Variants in KIRREL3 observed in about 807,000 individuals in gnomAD.
The protein encoded by KIRREL3 is kirre like nephrin family adhesion molecule 3.
KIRREL3 carries 36 observed loss-of-function variants against 89.7 expected under a neutral mutation model. The observed-to-expected ratio is 0.40, with a 90% CI of 0.31 to 0.53. The LOEUF (loss-of-function observed/expected upper bound fraction) is 0.53, where lower values mean the gene tolerates loss of function less well. KIRREL3 is among the 20% of genes least tolerant of loss of function. The probability of loss-of-function intolerance (pLI) is 0.49; values close to 1 mark genes in which losing one functional copy is unlikely to be tolerated. For missense variants in KIRREL3, 864 were observed against 1,056.6 expected (o/e 0.82, Z 2.53); for synonymous variants, 445 against 441.4 (o/e 1.01, Z -0.10).
At position 126,802,602 on chromosome 11, in the gene KIRREL3, T is replaced by C. The variant is rs1279673182; in HGVS notation, c.55+197853A>G. Among the ~76,000 whole-genome samples, 1 of 152,220 alleles carries C rather than the reference T, an allele frequency of 6.6e-6. No individual in the cohort carries two copies. Among genetic ancestry groups the C allele is most frequent in the African/African-American group, 2.4e-5 (1 of 41,544 alleles). ...GAGTGTGGGCATGTGTGTGTGTGAG[T>C]GACCCTGCGATGGGAGGGTGTCCTG... On this transcript the variant is annotated intron_variant, in intron 1 of 16. Transcript: ENST00000525144. The surrounding 1 kb of genome is among the most constrained non-coding windows in gnomAD (Gnocchi z 5.2).
rs994398473 is a variant in KIRREL3 at position 126,986,255 on chromosome 11, A to AT, written c.55+14199dup. On this transcript the variant is annotated intron_variant, in intron 1 of 16. Transcript: ENST00000525144. ...GGCCCAGATGCCTAGTGATGAGAAC[A>AT]TTTTTTTTTATGAATTGAAAAATAA... 1.2e-3 allele frequency among the ~76,000 whole-genome samples: 182 copies of AT among 151,662 alleles called. 1 individual carries two copies. Among genetic ancestry groups the AT allele is most frequent in the African/African-American group, 4.1e-3 (168 of 41,360 alleles).
rs769772638 is a variant in KIRREL3, at chr11:126,715,444, T to C, written c.56-152532A>G. 5.3e-5 allele frequency among the ~76,000 whole-genome samples: 8 copies of C among 152,162 alleles called. No homozygotes were observed. The East Asian group carries it at 7.7e-4, about 15-fold the overall frequency. On this transcript the variant is annotated intron_variant, in intron 1 of 16. Transcript: ENST00000525144. This position sits in a 1 kb window ranked among gnomAD's most constrained non-coding sequence, Gnocchi z 4.4. ...CAGTGCTCTCCTTTCCTGGGGATTG[T>C]TGACAGCTCAAGACCACATGGGCTC... is the stretch of plus-strand genomic sequence containing the variant.
intron 1 of KIRREL3, among the ~76,000 whole-genome samples, chr11:126,842,917 T>C (rs963114959): frequency 2.0e-5 from 3 of 151,886 alleles, no homozygotes; most frequent in Non-Finnish European, 4.4e-5. Flanking sequence ...GGAGAGAATA[T>C]GGGTCAAGTT....
At position 126,427,785 on chromosome 11, in the gene KIRREL3, G is replaced by T. The variant is rs1010314974; in HGVS notation, c.1806+1394C>A. Among the ~76,000 whole-genome samples, 1 of 152,168 alleles carries T rather than the reference G, an allele frequency of 6.6e-6. No individual in the cohort carries two copies. Among genetic ancestry groups the T allele is most frequent in the African/African-American group, 2.4e-5 (1 of 41,428 alleles). On this transcript the variant is annotated intron_variant, in intron 15 of 16. Transcript: ENST00000525144. The surrounding 1 kb of genome is among the most constrained non-coding windows in gnomAD (Gnocchi z 5.3). The stretch of plus-strand genomic sequence containing the variant: ...GAAAGGCTGCTTTCTCAAGGCTCTC[G>T]AGGGTGGATTGAGAAAAGAGACAAA...
chr11:126,859,151 A>G (rs947739053), intron 1 of KIRREL3, among the ~76,000 whole-genome samples: 5 of 152,238 alleles, frequency 3.3e-5, no homozygotes, highest in Non-Finnish European at 7.3e-5. Context: ...ATAATATACC[A>G]AAGAGAAAGA....
chr11:126,940,866 T>A lies in KIRREL3; in HGVS notation c.55+59589A>T, dbSNP rs955362134. The A allele has an allele frequency of 3.3e-5, 5 of 152,146 alleles. No individual in the cohort carries two copies. Among genetic ancestry groups the A allele is most frequent in the Non-Finnish European group, 7.3e-5 (5 of 68,034 alleles). The allele number at this position is 152,146 out of a possible 1,614,324, so 9.4% of individuals were successfully genotyped here. A position where few individuals can be genotyped will look rare whatever the true frequency, so the allele number is the denominator to read the frequency against. ...TGAGCCAAGACTGTCATGAAACTAT[T>A]TGGATACTGTACTCTGGTTCCTTCA... On this transcript the variant is annotated intron_variant, in intron 1 of 16. Transcript: ENST00000525144. This position sits in a 1 kb window ranked among gnomAD's most constrained non-coding sequence, Gnocchi z 4.6.
rs1235297459 is a variant in KIRREL3, at chr11:126,783,830, AGAG to A, written c.55+216622_55+216624del. 6.6e-6 allele frequency among the ~76,000 whole-genome samples: 1 copy of A among 152,228 alleles called. No individual in the cohort carries two copies. Among genetic ancestry groups the A allele is most frequent in the Non-Finnish European group, 1.5e-5 (1 of 68,048 alleles). The stretch of plus-strand genomic sequence containing the variant: ...AATACAGTGTGAAAGTGAGAGAAAA[AGAG>A]GAGCTTTGCAGTGGAGGAAACTGAC... On this transcript the variant is annotated intron_variant, in intron 1 of 16. Transcript: ENST00000525144. This position sits in a 1 kb window ranked among gnomAD's most constrained non-coding sequence, Gnocchi z 4.3.
chr11:126,458,109 G>A (rs1956432516), intron 6 of KIRREL3, among the ~76,000 whole-genome samples: 1 of 152,184 alleles, frequency 6.6e-6, no homozygotes. Context: ...CAGAGCTCTG[G>A]CTGAGTTGAG....
intron 1 of KIRREL3, among the ~76,000 whole-genome samples, chr11:126,949,018 T>C (rs1948700346): frequency 6.6e-6 from 1 of 152,242 alleles, no homozygotes; most frequent in Non-Finnish European, 1.5e-5. Context: ...TTCTTGGCTT[T>C]TTATATTAAT....
chr11:126,925,529 G>A (rs1947677736), intron 1 of KIRREL3, among the ~76,000 whole-genome samples: 1 of 152,230 alleles, frequency 6.6e-6, no homozygotes, highest in Non-Finnish European at 1.5e-5. Context: ...TGAGGGCTGA[G>A]CAGGAGAGCA....
In KIRREL3 at chr11:126,768,995, C is replaced by G. The variant is rs1949935412; in HGVS notation, c.56-206083G>C. On this transcript the variant is annotated intron_variant, in intron 1 of 16. Transcript: ENST00000525144. This position sits in a 1 kb window ranked among gnomAD's most constrained non-coding sequence, Gnocchi z 4.5. The stretch of plus-strand genomic sequence containing the variant: ...TTTACATGATCACGACTTGCAGTTT[C>G]CCAAATACACATTTCCGCAGCACAT... 6.6e-6 allele frequency among the ~76,000 whole-genome samples: 1 copy of G among 152,184 alleles called. No homozygotes were observed. The highest frequency in any genetic ancestry group is 2.4e-5 in the African/African-American group (1 of 41,438).
chr11:126,788,651 T>C lies in KIRREL3; in HGVS notation c.55+211804A>G, dbSNP rs1228722247. On this transcript the variant is annotated intron_variant, in intron 1 of 16. Transcript: ENST00000525144. This position sits in a 1 kb window ranked among gnomAD's most constrained non-coding sequence, Gnocchi z 4.1. The stretch of plus-strand genomic sequence containing the variant: ...TCTTGGGTTAAAAGTCTGTTTAGCC[T>C]CACCAGACCCATCATCACCAGTCCT... 1.3e-5 allele frequency among the ~76,000 whole-genome samples: 2 copies of C among 152,152 alleles called. No individual in the cohort carries two copies. The highest frequency in any genetic ancestry group is 3.9e-4 in the East Asian group (2 of 5,178).
At chr11:126,756,196 A>T (rs1458419562) in intron 1 of KIRREL3, among the ~76,000 whole-genome samples, 1 of 152,232 alleles carries the variant, frequency 6.6e-6, no homozygotes, top group Admixed American at 6.5e-5. Context: ...ATTAACAATG[A>T]TGATAATCAT....
intron 1 of KIRREL3, among the ~76,000 whole-genome samples, chr11:126,862,972 G>T (rs2134623882): frequency 6.6e-6 from 1 of 152,338 alleles, no homozygotes. Flanking sequence ...ATGACAGCCA[G>T]CACTGGGATA....
intron 1 of KIRREL3, among the ~76,000 whole-genome samples, chr11:126,868,323 T>C (rs1214236088): frequency 6.6e-6 from 1 of 152,076 alleles, no homozygotes; most frequent in Non-Finnish European, 1.5e-5. Context: ...AGAGTGTGGA[T>C]AAGGGCGTTA....
At chr11:126,567,790 C>T (rs1940625124) in intron 1 of KIRREL3, among the ~76,000 whole-genome samples, 1 of 150,370 alleles carries the variant, frequency 6.7e-6, no homozygotes, top group Non-Finnish European at 1.5e-5. Context: ...ACCGTATTGG[C>T]CAGGACAGCA....
At position 126,498,656 on chromosome 11, in the gene KIRREL3, C is replaced by T. The variant is rs914224891; in HGVS notation, c.433+22659G>A. The stretch of plus-strand genomic sequence containing the variant: ...GGGCCCGTGACCTGGCACCCTGTGA[C>T]GACAAGCAGAGGAGACTCAGTGATG... On this transcript the variant is annotated intron_variant, in intron 4 of 16. Coordinates refer to ENST00000525144, the MANE Select transcript of KIRREL3 (RefSeq NM_032531.4). The surrounding 1 kb of genome is among the most constrained non-coding windows in gnomAD (Gnocchi z 4.3). Among the ~76,000 whole-genome samples the T allele has an allele frequency of 2.0e-5, 3 of 152,146 alleles. No homozygotes were observed. Among genetic ancestry groups the T allele is most frequent in the Non-Finnish European group, 4.4e-5 (3 of 68,020 alleles).
rs571731245 is a variant in KIRREL3, at chr11:126,808,545, G to T, written c.55+191910C>A. On this transcript the variant is annotated intron_variant, in intron 1 of 16. Transcript: ENST00000525144. The surrounding 1 kb of genome is among the most constrained non-coding windows in gnomAD (Gnocchi z 4.1). ...GGCTTACTGCAGGGCTATACAAAAA[G>T]GTATTTTATGTCCTTAGCCTTATAA... 1.3e-5 allele frequency among the ~76,000 whole-genome samples: 2 copies of T among 152,240 alleles called. No homozygotes were observed. The highest frequency in any genetic ancestry group is 3.9e-4 in the East Asian group (2 of 5,184).
At chr11:126,893,627 C>T (rs1047453134) in intron 1 of KIRREL3, among the ~76,000 whole-genome samples, 3 of 152,218 alleles carry the variant, frequency 2.0e-5, no homozygotes, top group Non-Finnish European at 1.5e-5. Context: ...TTACCGTGAG[C>T]TGATCATTTG....
Sources: allele counts gnomAD v4.1 joint callset (sites outside exome capture counted in the v4.1 genomes callset), GRCh38; gene constraint gnomAD v4.1.1; non-coding constraint Gnocchi (gnomAD v3.1); transcripts MANE v1.5; gene names NCBI Gene and HGNC (gene_info 2026-07-23, HGNC 2026-07-21).